The following ENDOD1 variants were observed in gnomAD, a reference collection of about 807,000 sequenced individuals.
ENDOD1 encodes endonuclease domain containing 1.
Under a neutral mutation model 6.5 loss-of-function variants are expected in ENDOD1, and 9 were observed. That is an observed-to-expected ratio of 1.39 (90% CI 0.84 to 2.43). The LOEUF (loss-of-function observed/expected upper bound fraction) is 2.43. Ranked by LOEUF, ENDOD1 falls within the 30% of genes most tolerant of loss-of-function variation. The probability of loss-of-function intolerance (pLI) is 0.00; values close to 1 mark genes in which losing one functional copy is unlikely to be tolerated. For synonymous variants in ENDOD1, 255 were observed against 255.2 expected (o/e 1.00, Z 0.01); for missense variants, 648 against 635.5 (o/e 1.02, Z -0.21).
chr11:95,107,657 G>A (rs1416224502), intron 1 of ENDOD1, among the ~76,000 whole-genome samples: 4 of 148,566 alleles, frequency 2.7e-5, no homozygotes, highest in African/African-American at 1.0e-4. Flanking sequence ...AAAGGAGTCC[G>A]CACACTTTTT....
At position 95,090,049 on chromosome 11, in the gene ENDOD1, G is replaced by C; in HGVS notation, c.122G>C (p.Gly41Ala). The C allele has an allele frequency of 1.2e-6, 2 of 1,602,284 alleles. No individual in the cohort carries two copies. Among genetic ancestry groups the C allele is most frequent in the Non-Finnish European group, 1.7e-6 (2 of 1,175,694 alleles). ...FGECDKFFYA[G>A]TPPAGLAADS... ...GAATGTGACAAGTTCTTCTACGCCGGGACCCCGCCTGCGGGGCTGGCGGCC... is the reference window on the plus strand; with the variant it reads ...GAATGTGACAAGTTCTTCTACGCCGCGACCCCGCCTGCGGGGCTGGCGGCC... Residue 41 changes from glycine to alanine, a missense_variant, in exon 1 of 2, where the codon GGG becomes GCG. Coordinates refer to ENST00000278505, the MANE Select transcript of ENDOD1 (RefSeq NM_015036.3).
In ENDOD1 at chr11:95,128,867, T is replaced by A; in HGVS notation, c.791T>A (p.Leu264Gln). Reference sequence around the variant, plus strand: ...AAACTGCTTCCATTTAACCCTCAGCTGTTTCAGAACAACTGTGGTGAAACT... The same window carrying A: ...AAACTGCTTCCATTTAACCCTCAGCAGTTTCAGAACAACTGTGGTGAAACT... ...LQKLLPFNPQ[L>Q]FQNNCGETEQ... Residue 264 changes from leucine to glutamine, a missense_variant, in exon 2 of 2, where the codon CTG becomes CAG. Physicochemically the swap from Leu to Gln is moderately radical, Grantham distance 113 (BLOSUM62 -2). Coordinates refer to ENST00000278505, the MANE Select transcript of ENDOD1 (RefSeq NM_015036.3). 2 of 1,614,150 alleles carry A rather than the reference T, an allele frequency of 1.2e-6. No individual in the cohort carries two copies. Among genetic ancestry groups the A allele is most frequent in the Non-Finnish European group, 1.7e-6 (2 of 1,180,038 alleles).
intron 1 of ENDOD1, among the ~76,000 whole-genome samples, chr11:95,095,946 T>C (rs1399085842): frequency 1.3e-5 from 2 of 152,240 alleles, no homozygotes; most frequent in African/African-American, 4.8e-5. Context: ...TTATTTTTAA[T>C]CCAGTTCTTT....
rs1435173793 is a variant in ENDOD1 at position 95,128,530 on chromosome 11, G to A, written c.454G>A (p.Asp152Asn). Reference sequence around the variant, plus strand: ...GCTTTACCCATTCTCCCTTAGCAGTGATGTCCAGGTGGCCACATTTACTCT... The same window carrying A: ...GCTTTACCCATTCTCCCTTAGCAGTAATGTCCAGGTGGCCACATTTACTCT... ...GQLYPFSLSSDVQVATFTLTN... is the reference protein window; with the variant it reads ...GQLYPFSLSSNVQVATFTLTN... Residue 152 changes from aspartate to asparagine, a missense_variant, in exon 2 of 2, where the codon GAT becomes AAT. Asp to Asn is a conservative substitution (Grantham distance 23). Transcript: ENST00000278505. 6.2e-7 allele frequency: 1 copy of A among 1,614,132 alleles called. No individual in the cohort carries two copies. The highest frequency in any genetic ancestry group is 2.2e-5 in the East Asian group (1 of 44,904).
At chr11:95,100,846 A>T (rs1859031874) in intron 1 of ENDOD1, among the ~76,000 whole-genome samples, 5 of 102,058 alleles carry the variant, frequency 4.9e-5, no homozygotes, top group African/African-American at 7.5e-5. Flanking sequence ...CCTATCATAG[A>T]TCTTTGTACC....
Position 95,091,991 on chromosome 11 carries a change from G to C in ENDOD1, c.300+1764G>C, listed in dbSNP as rs961072599. On this transcript the variant is annotated intron_variant, in intron 1 of 1. Transcript: ENST00000278505. ...GACACATGAGTACTAAGTACTAGCT[G>C]TTGCTATGACCTAAGCAAAAAACCA... is the stretch of plus-strand genomic sequence containing the variant. Among the ~76,000 whole-genome samples, 5 of 152,138 alleles carry C rather than the reference G, an allele frequency of 3.3e-5. 1 individual carries two copies. In the East Asian group the frequency reaches 9.6e-4, roughly 29 times the overall value.
intron 1 of ENDOD1, among the ~76,000 whole-genome samples, chr11:95,122,509 T>C (rs1338035788): frequency 7.7e-3 from 1 of 130 alleles, no homozygotes; most frequent in African/African-American, 0.021. Flanking sequence ...AAGTGCTGGG[T>C]TTATATGTGC....
intron 1 of ENDOD1, among the ~76,000 whole-genome samples, chr11:95,113,383 TC>T (rs1223973333): frequency 1.3e-5 from 2 of 152,094 alleles, no homozygotes; most frequent in African/African-American, 4.8e-5. Context: ...CGTCTCCACC[TC>T]CCCAACACTC....
Position 95,128,336 on chromosome 11 carries a change from G to T in ENDOD1, c.301-41G>T, listed in dbSNP as rs754619990. ...ATGATTCTAGTGCTGCCTCTGTGCT[G>T]TAAGCAGGGATGCATCTCACCACTT... On this transcript the variant is annotated intron_variant, in intron 1 of 1. Coordinates refer to ENST00000278505, the MANE Select transcript of ENDOD1 (RefSeq NM_015036.3). 1.1e-5 allele frequency: 17 copies of T among 1,582,074 alleles called. No individual in the cohort carries two copies. In the Admixed American group the frequency reaches 1.7e-4, roughly 16 times the overall value.
intron 1 of ENDOD1, among the ~76,000 whole-genome samples, chr11:95,122,516 GT>G (rs57565205): frequency 1 from 150,146 of 150,332 alleles, 74,980 homozygotes; most frequent in Admixed American, 1. Context: ...GGGTTTATAT[GT>G]GCGTGAGCCA....
intron 1 of ENDOD1, among the ~76,000 whole-genome samples, chr11:95,102,343 G>A (rs1301292280): frequency 1.3e-4 from 19 of 149,306 alleles, no homozygotes; most frequent in African/African-American, 3.5e-4. Flanking sequence ...ACATATCATC[G>A]TGAAGCAGAT....
At chr11:95,092,014 C>A (rs919582233) in intron 1 of ENDOD1, among the ~76,000 whole-genome samples, 6 of 152,012 alleles carry the variant, frequency 3.9e-5, no homozygotes, top group Non-Finnish European at 8.8e-5. Context: ...AAGCAAAAAA[C>A]CATAATTTAA....
At position 95,128,460 on chromosome 11, in the gene ENDOD1, A is replaced by G. The variant is rs750513676; in HGVS notation, c.384A>G (p.Gln128=). Residue 128 remains glutamine, a synonymous_variant, in exon 2 of 2, where the codon CAA becomes CAG. Transcript: ENST00000278505. The part of the protein sequence containing the change: ...ITSVNSLGSK[Q]ALNTDYLDSD... ...CTGTGAACAGCCTGGGAAGCAAGCA[A>G]GCCTTGAATACAGATTACCTTGATT... 2 of 1,614,132 alleles carry G rather than the reference A, an allele frequency of 1.2e-6. No homozygotes were observed. The highest frequency in any genetic ancestry group is 1.1e-5 in the South Asian group (1 of 91,090).
rs780740227 is a variant in ENDOD1, at chr11:95,128,811, C to T, written c.735C>T (p.Ile245=). 6.2e-7 allele frequency: 1 copy of T among 1,614,156 alleles called. No homozygotes were observed. Among genetic ancestry groups the T allele is most frequent in the South Asian group, 1.1e-5 (1 of 91,084 alleles). The part of the protein sequence containing the change: ...GFVKHTRDSD[I]IEDVMVKDLQ... ...TCAAGCACACCCGGGACAGTGACAT[C>T]ATAGAAGATGTGATGGTAAAAGATC... The change falls in exon 2 of 2, where the codon ATC becomes ATT. Residue 245 remains isoleucine, a synonymous_variant. Transcript: ENST00000278505.
chr11:95,104,103 C>G (rs375345105), intron 1 of ENDOD1, among the ~76,000 whole-genome samples: 8 of 152,156 alleles, frequency 5.3e-5, no homozygotes, highest in East Asian at 1.9e-4. Context: ...AATTTCTTCT[C>G]TTTGTCCCCT....
Position 95,129,202 on chromosome 11 carries a change from C to G in ENDOD1, c.1126C>G (p.Leu376Val). The change falls in exon 2 of 2, where the codon CTT becomes GTT. Residue 376 changes from leucine to valine, a missense_variant. Transcript: ENST00000278505. Reference protein sequence around the residue: ...KQVINGIESCLYRLGSATISY... With the variant: ...KQVINGIESCVYRLGSATISY... ...GGTGATTAATGGCATAGAAAGTTGC[C>G]TTTACCGCCTGGGCTCAGCCACCAT... The G allele has an allele frequency of 6.2e-7, 1 of 1,614,148 alleles. No individual in the cohort carries two copies. Among genetic ancestry groups the G allele is most frequent in the Non-Finnish European group, 8.5e-7 (1 of 1,180,038 alleles).
chr11:95,132,096 C>T lies in ENDOD1; in HGVS notation c.*2517C>T, dbSNP rs1355850887. The T allele has an allele frequency of 6.6e-6, 1 of 152,594 alleles. No individual in the cohort carries two copies. The highest frequency in any genetic ancestry group is 2.4e-5 in the African/African-American group (1 of 41,434). 9.5% of individuals were successfully genotyped at this position (152,594 alleles called of 1,614,324 possible). A position where few individuals can be genotyped will look rare whatever the true frequency, so the allele number is the denominator to read the frequency against. ...GAGGTAGAGGTTGGGGTTTATGAAC[C>T]CCAACTCTGGCTTAAAGATCTTGCT... On this transcript the variant is annotated 3_prime_UTR_variant, in exon 2 of 2. Coordinates refer to ENST00000278505, the MANE Select transcript of ENDOD1 (RefSeq NM_015036.3).
At chr11:95,091,728 C>T (rs1555109890) in intron 1 of ENDOD1, among the ~76,000 whole-genome samples, 1 of 17,996 alleles carries the variant, frequency 5.6e-5, no homozygotes, top group Non-Finnish European at 9.7e-5. Flanking sequence ...CTGCTGTGTG[C>T]CAGATATTTG....
At chr11:95,117,723 T>G (rs188690526) in intron 1 of ENDOD1, among the ~76,000 whole-genome samples, 1 of 152,304 alleles carries the variant, frequency 6.6e-6, no homozygotes, top group Non-Finnish European at 1.5e-5. Flanking sequence ...TCTGCCCATT[T>G]GTGTCTTTTG....
Sources: gnomAD v4.1 joint callset for allele counts (sites outside exome capture counted in the v4.1 genomes callset) on GRCh38, gnomAD v4.1.1 for gene constraint, MANE v1.5 for transcripts, NCBI Gene and HGNC (gene_info 2026-07-23, HGNC 2026-07-21) for gene names.